ADCK2: variants seen among roughly 807,000 people sequenced by gnomAD.
ADCK2 encodes the protein uncharacterized aarF domain-containing protein kinase 2.
A neutral mutation model predicts 52.3 loss-of-function variants in ADCK2; 37 were observed. The observed-to-expected ratio is 0.71, with a 90% CI of 0.54 to 0.93. The LOEUF (loss-of-function observed/expected upper bound fraction) is 0.93. Among genes scored for constraint, ADCK2 ranks in the 40% least tolerant of loss-of-function variants. The pLI is 0.00. For missense variants in ADCK2, 695 were observed against 798.7 expected, an observed-to-expected ratio of 0.87 and a Z score of 1.56; for synonymous variants, 321 against 349.2, an observed-to-expected ratio of 0.92 and a Z score of 0.90.
rs938782864 is a variant in ADCK2, at chr7:140,677,340, G to A, written c.1081-1815G>A. 4.0e-5 allele frequency among the ~76,000 whole-genome samples: 6 copies of A among 151,808 alleles called. No homozygotes were observed. In the South Asian group the frequency reaches 1.2e-3, roughly 32 times the overall value. ...GGAGAATCGCTTGAACCCAGGAGGC[G>A]GAGGTTGCAATGAGCCAAGATCATG... On this transcript the variant is annotated intron_variant, in intron 2 of 7. Coordinates refer to ENST00000072869, the MANE Select transcript of ADCK2 (RefSeq NM_052853.4).
At chr7:140,683,098 C>G (rs1052175992) in intron 4 of ADCK2, among the ~76,000 whole-genome samples, 5 of 150,858 alleles carry the variant, frequency 3.3e-5, no homozygotes, top group African/African-American at 1.2e-4. Context: ...GTCAGGAGAT[C>G]GAGACCATCC....
chr7:140,690,627 G>A, intron 6 of ADCK2, 133 bp from the exon 7 acceptor site: 1 of 712,150 alleles, frequency 1.4e-6, no homozygotes, highest in South Asian at 1.9e-5. Context: ...GGTCCCTTTT[G>A]TGCTGACTGG....
rs1415411080 is a variant in ADCK2 at position 140,673,533 on chromosome 7, G to A, written c.203G>A (p.Arg68Gln). ...GEGAPDVLSR[R>Q]RVRCSGAAGA... ...GGGGCCCCTGACGTTCTGAGTCGGC[G>A]AAGGGTCCGCTGCAGCGGGGCGGCT... is the stretch of plus-strand genomic sequence containing the variant. The change falls in exon 1 of 8, where the codon CGA (arginine) becomes CAA (glutamine). Residue 68 changes from arginine (R) to glutamine (Q), a missense_variant. Coordinates refer to ENST00000072869, the MANE Select transcript of ADCK2 (RefSeq NM_052853.4). This position sits in a 1 kb window ranked among gnomAD's most constrained non-coding sequence, Gnocchi z 6.4. The A allele has an allele frequency of 6.2e-7, 1 of 1,600,298 alleles. No homozygotes were observed. Among genetic ancestry groups the A allele is most frequent in the Non-Finnish European group, 8.5e-7 (1 of 1,176,778 alleles).
chr7:140,691,525 C>T (rs1227941300), intron 7 of ADCK2, among the ~76,000 whole-genome samples: 2 of 152,160 alleles, frequency 1.3e-5, no homozygotes, highest in Non-Finnish European at 2.9e-5. Context: ...CTTTCAGAGG[C>T]CCTAGCGGGA....
In ADCK2 at chr7:140,675,438, C is replaced by T. The variant is rs536683797; in HGVS notation, c.1080+681C>T. ...GAGATGACAGAACTAAGCCACCGTA[C>T]GGTCAAGAGAGGGAGCTCTACTCCC... On this transcript the variant is annotated intron_variant, in intron 2 of 7. Coordinates refer to ENST00000072869, the MANE Select transcript of ADCK2 (RefSeq NM_052853.4). Among the ~76,000 whole-genome samples, 18 of 152,316 alleles carry T rather than the reference C, an allele frequency of 1.2e-4. No individual in the cohort carries two copies. The South Asian group carries it at 1.4e-3, about 12-fold the overall frequency.
rs368184504 is a variant in ADCK2 at position 140,691,531 on chromosome 7, C to T, written c.1740+718C>T. ...GTCCTGGTGCTTTCAGAGGCCCTAG[C>T]GGGACTGCTGTGGCCCCTGCCTGGC... On this transcript the variant is annotated intron_variant, in intron 7 of 7. Transcript: ENST00000072869. 3.7e-4 allele frequency among the ~76,000 whole-genome samples: 56 copies of T among 152,230 alleles called. No homozygotes were observed. The South Asian group carries it at 7.3e-3, about 20-fold the overall frequency.
chr7:140,690,328 G>A (rs960165466), intron 6 of ADCK2, among the ~76,000 whole-genome samples: 3 of 152,108 alleles, frequency 2.0e-5, no homozygotes, highest in Non-Finnish European at 2.9e-5. Flanking sequence ...TCAGCCTCCC[G>A]AGTAGCTGGG....
chr7:140,674,324 C>T lies in ADCK2; in HGVS notation c.933+61C>T. The T allele has an allele frequency of 6.7e-7, 1 of 1,492,486 alleles. No homozygotes were observed. The highest frequency in any genetic ancestry group is 9.0e-7 in the Non-Finnish European group (1 of 1,108,400). 92.5% of individuals were successfully genotyped at this position (1,492,486 alleles called of 1,614,324 possible). ...CTGAGCTATCCCAGATCAGAAACAACCGCCATGCAAATCGCCCCCACGTTT... is the reference window on the plus strand; with the variant it reads ...CTGAGCTATCCCAGATCAGAAACAATCGCCATGCAAATCGCCCCCACGTTT... On this transcript the variant is annotated intron_variant, in intron 1 of 7. Transcript: ENST00000072869. The surrounding 1 kb of genome is among the most constrained non-coding windows in gnomAD (Gnocchi z 4.6).
rs183019665 is a variant in ADCK2 at position 140,683,986 on chromosome 7, A to G, written c.1305+2849A>G. On this transcript the variant is annotated intron_variant, in intron 4 of 7. Transcript: ENST00000072869. ...TGCTGGGAGTAGGATGCAGAGGGCC[A>G]TGGGAGAGGAGGTTTAAAGAGAACA... Among the ~76,000 whole-genome samples the G allele has an allele frequency of 1.4e-3, 220 of 152,262 alleles. 2 individuals are homozygous for G. Among genetic ancestry groups the G allele is most frequent in the African/African-American group, 4.8e-3 (201 of 41,532 alleles).
intron 4 of ADCK2, among the ~76,000 whole-genome samples, 185 bp downstream of exon 4, chr7:140,681,322 A>AT (rs752193275): frequency 0.014 from 1,964 of 142,838 alleles, 20 homozygotes; most frequent in African/African-American, 0.03. Context: ...AAGCTCTTTT[A>AT]TTTTTTTTTT....
rs3748092 is a variant in ADCK2, at chr7:140,681,084, G to C, written c.1252G>C (p.Val418Leu). 1.2e-6 allele frequency: 2 copies of C among 1,614,126 alleles called. No individual in the cohort carries two copies. Among genetic ancestry groups the C allele is most frequent in the South Asian group, 2.2e-5 (2 of 91,076 alleles). Reference sequence around the variant, plus strand: ...CAGTTACCAGCAGGCAGGAATTCCCGTGGACTTGAAAAGGAAGATTGCACG... The same window carrying C: ...CAGTTACCAGCAGGCAGGAATTCCCCTGGACTTGAAAAGGAAGATTGCACG... ...VSSYQQAGIP[V>L]DLKRKIARLG... The change falls in exon 4 of 8, where the codon GTG (valine) becomes CTG (leucine). Residue 418 changes from valine to leucine, a missense_variant. Val to Leu is a conservative substitution (Grantham distance 32, BLOSUM62 1). Coordinates refer to ENST00000072869, the MANE Select transcript of ADCK2 (RefSeq NM_052853.4).
chr7:140,683,527 C>G (rs748982039), intron 4 of ADCK2, among the ~76,000 whole-genome samples: 2 of 152,160 alleles, frequency 1.3e-5, no homozygotes, highest in South Asian at 4.1e-4. Flanking sequence ...GGGTATTCTT[C>G]CTCCTAAGAA....
intron 7 of ADCK2, among the ~76,000 whole-genome samples, chr7:140,691,199 T>TA (rs1453854210): frequency 1.3e-5 from 2 of 152,202 alleles, no homozygotes; most frequent in East Asian, 3.9e-4. Flanking sequence ...GTGCTGGGAT[T>TA]ACAGGCGTGA....
intron 6 of ADCK2, 52 bp from the exon 7 acceptor site, chr7:140,690,708 G>C: frequency 2.6e-6 from 4 of 1,566,428 alleles, no homozygotes; most frequent in Admixed American, 1.7e-5. Flanking sequence ...TGGGAAATGA[G>C]CGGTTCTGGA....
At chr7:140,690,591 A>C (rs1794687499) in intron 6 of ADCK2, among the ~76,000 whole-genome samples, 169 bp from the exon 7 acceptor site, 1 of 148,964 alleles carries the variant, frequency 6.7e-6, no homozygotes, top group Non-Finnish European at 1.5e-5. Context: ...CTTGTGCTGG[A>C]GGAGTCCTTT....
rs1453725928 is a variant in ADCK2, at chr7:140,674,963, C to G, written c.1080+206C>G. On this transcript the variant is annotated intron_variant, in intron 2 of 7. Transcript: ENST00000072869. This position sits in a 1 kb window ranked among gnomAD's most constrained non-coding sequence, Gnocchi z 4.6. ...TTTTTTGCTTATATCAAAGTTCTGGCCGGGCGTGGTGGCTCATGTGTGTAA... is the reference window on the plus strand; with the variant it reads ...TTTTTTGCTTATATCAAAGTTCTGGGCGGGCGTGGTGGCTCATGTGTGTAA... Among the ~76,000 whole-genome samples, 1 of 152,156 alleles carries G rather than the reference C, an allele frequency of 6.6e-6. No homozygotes were observed. Among genetic ancestry groups the G allele is most frequent in the East Asian group, 1.9e-4 (1 of 5,202 alleles).
Position 140,684,160 on chromosome 7 carries a change from C to G in ADCK2, c.1306-2830C>G, listed in dbSNP as rs534331518. Among the ~76,000 whole-genome samples, 3 of 152,260 alleles carry G rather than the reference C, an allele frequency of 2.0e-5. No individual in the cohort carries two copies. The South Asian group carries it at 6.2e-4, about 32-fold the overall frequency. On this transcript the variant is annotated intron_variant, in intron 4 of 7. Transcript: ENST00000072869. ...TAGCCTGGGGGTTAGGAGCCCAGAG[C>G]AGGATTTGTTTTGAGTTCAAATCTC... is the stretch of plus-strand genomic sequence containing the variant.
Position 140,673,798 on chromosome 7 carries a change from C to T in ADCK2, c.468C>T (p.Arg156=). Residue 156 remains arginine, a synonymous_variant, in exon 1 of 8, where the codon CGC becomes CGT. Coordinates refer to ENST00000072869, the MANE Select transcript of ADCK2 (RefSeq NM_052853.4). The surrounding 1 kb of genome is among the most constrained non-coding windows in gnomAD (Gnocchi z 6.4). ...TGGGCCAGTGGGCCAGCACCCGGCG[C>T]GATCTGTTTTCGGAGGCTTTCTGTG... ...IKLGQWASTR[R]DLFSEAFCAQ... The T allele has an allele frequency of 6.2e-7, 1 of 1,613,970 alleles. No homozygotes were observed. The highest frequency in any genetic ancestry group is 8.5e-7 in the Non-Finnish European group (1 of 1,180,034).
intron 2 of ADCK2, among the ~76,000 whole-genome samples, chr7:140,677,488 C>T (rs1794440027): frequency 6.6e-6 from 1 of 151,756 alleles, no homozygotes; most frequent in African/African-American, 2.4e-5. Flanking sequence ...GTAGTTAGGT[C>T]TGTGATAGTT....
Sources: allele counts gnomAD v4.1 joint callset (sites outside exome capture counted in the v4.1 genomes callset), GRCh38; gene constraint gnomAD v4.1.1; non-coding constraint Gnocchi (gnomAD v3.1); transcripts MANE v1.5; gene names NCBI Gene and HGNC (gene_info 2026-07-23, HGNC 2026-07-21).